DPYD: variants seen among roughly 807,000 people sequenced by gnomAD.
The protein encoded by DPYD is dihydropyrimidine dehydrogenase [NADP(+)].
A neutral mutation model predicts 116.2 loss-of-function variants in DPYD; 109 were observed. The ratio of observed to expected loss-of-function variants is 0.94; its 90% CI spans 0.80 to 1.10. DPYD has a LOEUF of 1.10. DPYD is among the 50% of genes least tolerant of loss of function. DPYD has a pLI of 0.00. For missense variants in DPYD, 1,302 were observed against 1,254.5 expected (o/e 1.04, Z -0.57); for synonymous variants, 440 against 432.0 (o/e 1.02, Z -0.23).
chr1:97,257,464 A>G (rs1798737), intron 18 of DPYD, among the ~76,000 whole-genome samples: 110,882 of 137,872 alleles, frequency 0.8, 44,653 homozygotes, highest in Middle Eastern at 0.87. Flanking sequence ...GAGAGAGAGA[A>G]AGAGAGAGAG....
intron 18 of DPYD, among the ~76,000 whole-genome samples, chr1:97,255,620 C>CT (rs1326618219): frequency 2.6e-5 from 4 of 151,918 alleles, no homozygotes; most frequent in Non-Finnish European, 4.4e-5. Context: ...AAACCTCCTT[C>CT]TTTTGTAAAT....
chr1:97,425,072 C>T (rs578186979), intron 14 of DPYD, among the ~76,000 whole-genome samples: 55 of 151,990 alleles, frequency 3.6e-4, no homozygotes, highest in African/African-American at 1.2e-3. Context: ...CTTAGGGTAT[C>T]GCATTATAAA....
intron 3 of DPYD, among the ~76,000 whole-genome samples, chr1:97,825,162 ATCC>A (rs1669173011): frequency 6.6e-6 from 1 of 152,100 alleles, no homozygotes; most frequent in Non-Finnish European, 1.5e-5. Context: ...GGCTCAGGGC[ATCC>A]TCAAGACTGG....
intron 2 of DPYD, among the ~76,000 whole-genome samples, chr1:97,868,564 T>G (rs1056852080): frequency 6.6e-6 from 1 of 151,824 alleles, no homozygotes; most frequent in African/African-American, 2.4e-5. Flanking sequence ...TTATACCCTT[T>G]TAAAATTCCT....
chr1:97,331,948 C>A (rs1182678994), intron 16 of DPYD, among the ~76,000 whole-genome samples: 1 of 152,136 alleles, frequency 6.6e-6, no homozygotes, highest in Non-Finnish European at 1.5e-5. Flanking sequence ...ACTGTTTTAT[C>A]TATTATCCAG....
rs1161909339 is a variant in DPYD, at chr1:97,794,933, A to T, written c.233+33181T>A. Among the ~76,000 whole-genome samples the T allele has an allele frequency of 7.2e-5, 11 of 152,166 alleles. No homozygotes were observed. The East Asian group carries it at 1.2e-3, about 16-fold the overall frequency. Reference sequence around the variant, plus strand: ...TAATTGTTTGTTGTTAGTGATTAGAATATATTTGATTTTTGTATATCAATC... The same window carrying T: ...TAATTGTTTGTTGTTAGTGATTAGATTATATTTGATTTTTGTATATCAATC... On this transcript the variant is annotated intron_variant, in intron 3 of 22. Coordinates refer to ENST00000370192, the MANE Select transcript of DPYD (RefSeq NM_000110.4).
intron 13 of DPYD, among the ~76,000 whole-genome samples, chr1:97,505,981 G>T (rs567437173): frequency 1.3e-5 from 2 of 152,034 alleles, no homozygotes; most frequent in South Asian, 4.1e-4. Flanking sequence ...GTGTGATAGG[G>T]CAGTTTGAGT....
At chr1:97,880,135 T>C (rs913634859) in intron 2 of DPYD, among the ~76,000 whole-genome samples, 1 of 151,586 alleles carries the variant, frequency 6.6e-6, no homozygotes, top group Admixed American at 6.6e-5. Flanking sequence ...GTATTAAAAG[T>C]AAGGAGATAA....
intron 15 of DPYD, among the ~76,000 whole-genome samples, chr1:97,381,235 G>T (rs1011623057): frequency 6.6e-6 from 1 of 151,956 alleles, no homozygotes; most frequent in African/African-American, 2.4e-5. Flanking sequence ...TATGAAATGT[G>T]AAAAATATCT....
At chr1:97,480,936 T>C (rs1456333722) in intron 13 of DPYD, among the ~76,000 whole-genome samples, 1 of 152,008 alleles carries the variant, frequency 6.6e-6, no homozygotes, top group African/African-American at 2.4e-5. Flanking sequence ...GCCGAGATCA[T>C]GCCACTGCAC....
intron 19 of DPYD, among the ~76,000 whole-genome samples, chr1:97,234,279 T>C (rs547961015): frequency 5.3e-5 from 8 of 152,280 alleles, no homozygotes; most frequent in African/African-American, 1.9e-4. Context: ...CTAATTTTTA[T>C]TATTTTAGGG....
At chr1:97,082,521 T>C (rs1051917934) in intron 21 of DPYD, 51 bp from the exon 22 acceptor site, 1 of 1,600,900 alleles carries the variant, frequency 6.2e-7, no homozygotes, top group African/African-American at 1.3e-5. Flanking sequence ...AACATTTTCA[T>C]GTAATAATTA....
At chr1:97,908,640 T>C (rs1464972575) in intron 1 of DPYD, among the ~76,000 whole-genome samples, 1 of 152,028 alleles carries the variant, frequency 6.6e-6, no homozygotes, top group Non-Finnish European at 1.5e-5. Flanking sequence ...CACCCTTGGT[T>C]ATAGTCTTGA....
At chr1:97,717,697 T>C (rs1662690224) in intron 5 of DPYD, among the ~76,000 whole-genome samples, 1 of 152,062 alleles carries the variant, frequency 6.6e-6, no homozygotes, top group South Asian at 2.1e-4. Flanking sequence ...ACATATGATG[T>C]TTGGCTTCCA....
intron 7 of DPYD, chr1:97,691,471 C>A: frequency 2.5e-6 from 1 of 402,040 alleles, no homozygotes; most frequent in Non-Finnish European, 4.6e-6. Context: ...GAATTTGTTT[C>A]TTACAGACAA....
chr1:97,491,081 TATAA>T (rs1280104959), intron 13 of DPYD, among the ~76,000 whole-genome samples: 3 of 148,108 alleles, frequency 2.0e-5, no homozygotes, highest in Non-Finnish European at 3.0e-5. Flanking sequence ...ATTTATAATA[TATAA>T]ATATGTAAAA....
chr1:97,247,242 T>C (rs953449446), intron 18 of DPYD, among the ~76,000 whole-genome samples: 1 of 152,164 alleles, frequency 6.6e-6, no homozygotes, highest in Non-Finnish European at 1.5e-5. Flanking sequence ...ATCTGTAGCA[T>C]GTATTAAAAA....
chr1:97,221,459 C>T (rs1413239), intron 19 of DPYD, among the ~76,000 whole-genome samples: 60,637 of 149,058 alleles, frequency 0.41, 12,858 homozygotes, highest in East Asian at 0.58. Context: ...CCCACAGCTT[C>T]ATAAGAATTA....
chr1:97,449,256 A>G (rs1164192989), intron 14 of DPYD, among the ~76,000 whole-genome samples: 1 of 152,194 alleles, frequency 6.6e-6, no homozygotes, highest in Non-Finnish European at 1.5e-5. Flanking sequence ...AAACCCACAC[A>G]TTGCCTCAAA....
Sources: gnomAD v4.1 joint callset for allele counts (sites outside exome capture counted in the v4.1 genomes callset) on GRCh38, gnomAD v4.1.1 for gene constraint, MANE v1.5 for transcripts, NCBI Gene and HGNC (gene_info 2026-07-23, HGNC 2026-07-21) for gene names.